The following CIROZ variants were observed in gnomAD, a reference collection of about 807,000 sequenced individuals.
CIROZ encodes the protein ciliated left-right organizer ZP-N domains-containing protein.
At chr1:10,948,710 G>A in the CIROZ span, 1 of 1,579,834 alleles carries the variant, frequency 6.3e-7, no homozygotes, top group South Asian at 1.2e-5. Context: ...GAGGTGTGGG[G>A]TGTCCAGGGA....
At chr1:10,975,722 A>T in the CIROZ span, among the ~76,000 whole-genome samples, 102 of 152,246 alleles carry the variant, frequency 6.7e-4, no homozygotes, top group African/African-American at 2.4e-3. Flanking sequence ...GGCTAAGTGC[A>T]GGGGCTCTGG....
chr1:10,975,407 G>GAAAAAAAAAAAAAAAAAA, the CIROZ span, among the ~76,000 whole-genome samples: 1 of 78,782 alleles, frequency 1.3e-5, no homozygotes, highest in Non-Finnish European at 2.9e-5. Flanking sequence ...CTCTGTCTCA[G>GAAAAAAAAAAAAAAAAAA]AAAAAAAAAA....
chr1:10,946,504 G>T, the CIROZ span: 2 of 152,136 alleles, frequency 1.3e-5, no homozygotes, highest in East Asian at 3.9e-4. Flanking sequence ...TTCTTGTTCC[G>T]GGCGGGCGTT....
the CIROZ span, chr1:10,948,997 G>A: frequency 1.6e-6 from 1 of 644,268 alleles, no homozygotes; most frequent in Non-Finnish European, 2.3e-6. Context: ...GGCCAAGGCG[G>A]GTGGATCACT....
chr1:10,948,902 C>T, the CIROZ span: 1 of 1,427,250 alleles, frequency 7.0e-7, no homozygotes, highest in Non-Finnish European at 9.2e-7. Context: ...CACATGGGCT[C>T]CGGCTGCCCT....
chr1:10,960,226 G>A, the CIROZ span, among the ~76,000 whole-genome samples: 2 of 151,984 alleles, frequency 1.3e-5, no homozygotes, highest in African/African-American at 2.4e-5. The surrounding 1 kb of genome is among the most constrained non-coding windows in gnomAD (Gnocchi z 4.6). Context: ...CATCTTTACC[G>A]AAAATACAAA....
chr1:10,947,544 T>G, the CIROZ span: 1 of 866,000 alleles, frequency 1.2e-6, no homozygotes, highest in South Asian at 3.4e-5. Flanking sequence ...GCACCGGGGC[T>G]TCCCTGGAAA....
the CIROZ span, among the ~76,000 whole-genome samples, chr1:10,980,022 G>A: frequency 6.6e-6 from 1 of 152,212 alleles, no homozygotes; most frequent in Non-Finnish European, 1.5e-5. Context: ...GCTCCAGCCT[G>A]GGCAACAAGA....
At chr1:10,949,285 T>G in the CIROZ span, 1 of 336,038 alleles carries the variant, frequency 3.0e-6, no homozygotes, top group Non-Finnish European at 5.5e-6. Flanking sequence ...AGTCCTCTGG[T>G]GTGCCTCAGT....
chr1:10,964,079 C>T, the CIROZ span: 2 of 1,601,086 alleles, frequency 1.2e-6, no homozygotes, highest in Non-Finnish European at 1.7e-6. Flanking sequence ...GAGAGAAGCC[C>T]AGCCTGGGAG....
the CIROZ span, among the ~76,000 whole-genome samples, chr1:10,968,025 G>A: frequency 1.3e-5 from 2 of 151,792 alleles, no homozygotes; most frequent in East Asian, 1.9e-4. Context: ...CGGCGCGGTG[G>A]GGGGGCACCT....
chr1:10,967,282 C>T, the CIROZ span, among the ~76,000 whole-genome samples: 1 of 152,090 alleles, frequency 6.6e-6, no homozygotes, highest in Non-Finnish European at 1.5e-5. Context: ...GCTCCAAACA[C>T]ACCAGACCCA....
the CIROZ span, among the ~76,000 whole-genome samples, chr1:10,968,074 G>A: frequency 3.9e-5 from 6 of 151,990 alleles, no homozygotes; most frequent in South Asian, 2.1e-4. Flanking sequence ...CAGAAGAATC[G>A]CTTAAACCCG....
At chr1:10,949,178 C>T in the CIROZ span, 1 of 241,804 alleles carries the variant, frequency 4.1e-6, no homozygotes, top group East Asian at 8.6e-5. Flanking sequence ...AAGCCAAGAT[C>T]GTGCCACTGG....
At chr1:10,954,924 C>T in the CIROZ span, 5 of 1,485,302 alleles carry the variant, frequency 3.4e-6, no homozygotes, top group African/African-American at 2.8e-5. Flanking sequence ...CATATGGCAT[C>T]GGTGACCAAA....
At chr1:10,966,334 A>C in the CIROZ span, 3 of 1,499,924 alleles carry the variant, frequency 2.0e-6, no homozygotes, top group Non-Finnish European at 2.6e-6. Context: ...TAAAAAAAAA[A>C]AAAGAAAAGT....
At chr1:10,958,637 G>C in the CIROZ span, 3 of 1,542,762 alleles carry the variant, frequency 1.9e-6, no homozygotes, top group African/African-American at 1.4e-5. Flanking sequence ...AGCTGCCTCA[G>C]AGCATCCTGA....
the CIROZ span, chr1:10,958,685 C>T: frequency 1.2e-6 from 2 of 1,613,618 alleles, no homozygotes; most frequent in South Asian, 1.1e-5. Context: ...CAGAGAGTTG[C>T]TCCTGCTACT....
the CIROZ span, among the ~76,000 whole-genome samples, chr1:10,950,974 C>T: frequency 3.4e-4 from 51 of 152,152 alleles, no homozygotes; most frequent in Admixed American, 1.8e-3. Context: ...CTGGTGGCTG[C>T]GGGTTCCCAG....
Sources: allele counts gnomAD v4.1 joint callset (sites outside exome capture counted in the v4.1 genomes callset), GRCh38; gene constraint gnomAD v4.1.1; non-coding constraint Gnocchi (gnomAD v3.1); transcripts MANE v1.5; gene names NCBI Gene and HGNC (gene_info 2026-07-23, HGNC 2026-07-21).